Variants in MYO16 observed in about 807,000 individuals in gnomAD.
MYO16 encodes the protein unconventional myosin-XVI.
Under a neutral mutation model 205.3 loss-of-function variants are expected in MYO16, and 94 were observed. The ratio of observed to expected loss-of-function variants is 0.46; its 90% confidence interval spans 0.39 to 0.54. The LOEUF (loss-of-function observed/expected upper bound fraction) is 0.54, where lower values mean the gene tolerates loss of function less well. Ranked by LOEUF, MYO16 falls within the 20% of genes least tolerant of loss-of-function variation. MYO16 has a pLI of 0.00. For missense variants in MYO16, 2,315 were observed against 2,387.5 expected (o/e 0.97, Z 0.63); for synonymous variants, 988 against 954.0 (o/e 1.04, Z -0.66).
chr13:108,522,419 A>G, the MYO16 span, among the ~76,000 whole-genome samples: 1 of 152,184 alleles, frequency 6.6e-6, no homozygotes, highest in East Asian at 1.9e-4. Context: ...TGAATCCTGT[A>G]ATTTCTAAGA....
intron 1 of MYO16, among the ~76,000 whole-genome samples, chr13:108,653,288 T>C (rs545075360): frequency 6.6e-6 from 1 of 152,322 alleles, no homozygotes; most frequent in Non-Finnish European, 1.5e-5. Flanking sequence ...TAGATATTAA[T>C]CTCCTATTAG....
chr13:108,649,089 G>T (rs372326100), intron 1 of MYO16, among the ~76,000 whole-genome samples: 1 of 147,904 alleles, frequency 6.8e-6, no homozygotes, highest in Non-Finnish European at 1.5e-5. Flanking sequence ...TGGGGGGAGG[G>T]GGGAGGGATA....
chr13:108,659,137 T>C (rs1438397586), intron 1 of MYO16, among the ~76,000 whole-genome samples: 1 of 150,440 alleles, frequency 6.6e-6, no homozygotes, highest in Non-Finnish European at 1.5e-5. Flanking sequence ...TGTCTCGACA[T>C]CATGACACAG....
At chr13:108,891,400 G>A (rs936612963) in intron 14 of MYO16, among the ~76,000 whole-genome samples, 4 of 151,862 alleles carry the variant, frequency 2.6e-5, no homozygotes, top group East Asian at 1.9e-4. Context: ...GTCTTATCTC[G>A]CAGGTCAAGA....
intron 2 of MYO16, among the ~76,000 whole-genome samples, chr13:108,703,549 C>T (rs1883388217): frequency 6.6e-6 from 1 of 152,090 alleles, no homozygotes; most frequent in South Asian, 2.1e-4. Context: ...CTTGAACAAC[C>T]ATATACAGCA....
intron 23 of MYO16, chr13:109,028,404 C>T: frequency 6.2e-6 from 2 of 323,900 alleles, no homozygotes; most frequent in South Asian, 2.7e-5. Flanking sequence ...TTTTGTTTTT[C>T]ACAGAATATT....
chr13:108,795,597 A>G (rs1198059548), intron 6 of MYO16, among the ~76,000 whole-genome samples: 1 of 152,208 alleles, frequency 6.6e-6, no homozygotes, highest in Non-Finnish European at 1.5e-5. Context: ...GACTATAACA[A>G]CGTAACTCTG....
At chr13:109,204,827 AC>A (rs1880533885) in intron 34 of MYO16, among the ~76,000 whole-genome samples, 1 of 152,176 alleles carries the variant, frequency 6.6e-6, no homozygotes, top group Non-Finnish European at 1.5e-5. Context: ...TACCCACTTT[AC>A]AGGGCTCTTA....
chr13:108,738,876 C>T (rs1322216435), intron 4 of MYO16, among the ~76,000 whole-genome samples: 2 of 152,134 alleles, frequency 1.3e-5, no homozygotes, highest in Non-Finnish European at 2.9e-5. Flanking sequence ...GAATTGATCC[C>T]TTTACTGTTA....
chr13:108,614,519 T>C (rs1041519067), intron 1 of MYO16, among the ~76,000 whole-genome samples: 3 of 152,078 alleles, frequency 2.0e-5, no homozygotes, highest in Admixed American at 1.3e-4. Context: ...AACTAAAAAC[T>C]ATCTTTAAAA....
chr13:109,132,471 T>C lies in MYO16; in HGVS notation c.4051+4921T>C, dbSNP rs192212483. Among the ~76,000 whole-genome samples the C allele has an allele frequency of 1.7e-3, 258 of 152,300 alleles. 1 individual carries two copies. Among genetic ancestry groups the C allele is most frequent in the African/African-American group, 5.7e-3 (238 of 41,544 alleles). ...CTTTACTCTCTTGTTTCTGTCTTCA[T>C]TCTAGAACAACATGTGTCACATAGT... On this transcript the variant is annotated intron_variant, in intron 31 of 34. Coordinates refer to ENST00000457511, the MANE Select transcript of MYO16 (RefSeq NM_001198950.3).
rs111904432 is a variant in MYO16 at position 109,198,842 on chromosome 13, T to C, written c.5416-7767T>C. Among the ~76,000 whole-genome samples the C allele has an allele frequency of 5.4e-3, 824 of 152,286 alleles. 9 individuals are homozygous for C. Among genetic ancestry groups the C allele is most frequent in the African/African-American group, 0.018 (763 of 41,568 alleles). On this transcript the variant is annotated intron_variant, in intron 34 of 34. Transcript: ENST00000457511. ...CTTTACAGGTGATGAAGCCAGCGAA[T>C]GCTTGTTCAGCATTGCACAAGTAGC...
At position 108,898,086 on chromosome 13, in the gene MYO16, A is replaced by G; in HGVS notation, c.1730A>G (p.Lys577Arg). ...TLNDLSSCFI[K>R]YFELQFCERK... ...AATGATTTGTCCAGTTGCTTCATCA[A>G]GTATTTTGAACTGCAGTTCTGTGAG... The change falls in exon 15 of 35, where the codon AAG becomes AGG. Residue 577 changes from lysine to arginine, a missense_variant. Physicochemically the swap from Lys to Arg is conservative, Grantham distance 26 (BLOSUM62 2). Around this residue, in one of 3 missense-constraint regions of MYO16, gnomAD observed 1,213 missense variants for 1,274.4 expected, o/e 0.95. Coordinates refer to ENST00000457511, the MANE Select transcript of MYO16 (RefSeq NM_001198950.3). 1.2e-6 allele frequency: 2 copies of G among 1,614,092 alleles called. No homozygotes were observed. Among genetic ancestry groups the G allele is most frequent in the Non-Finnish European group, 1.7e-6 (2 of 1,179,954 alleles).
At chr13:108,787,307 T>G (rs1886487809) in intron 5 of MYO16, among the ~76,000 whole-genome samples, 2 of 152,212 alleles carry the variant, frequency 1.3e-5, no homozygotes, top group South Asian at 4.1e-4. Context: ...TTGGTCATAC[T>G]GCAATGAATG....
intron 27 of MYO16, among the ~76,000 whole-genome samples, chr13:109,089,960 G>C (rs990774851): frequency 6.6e-6 from 1 of 152,204 alleles, no homozygotes; most frequent in African/African-American, 2.4e-5. Context: ...CTGGGGCTGC[G>C]AGGCAGCCCT....
intron 4 of MYO16, among the ~76,000 whole-genome samples, chr13:108,730,206 G>A (rs1318697654): frequency 1.3e-5 from 2 of 152,026 alleles, no homozygotes; most frequent in African/African-American, 2.4e-5. Context: ...TTCTCATGAC[G>A]GTAAGTTCTC....
chr13:108,820,543 C>A, intron 8 of MYO16, 131 bp downstream of exon 8: 1 of 711,544 alleles, frequency 1.4e-6, no homozygotes, highest in Non-Finnish European at 2.4e-6. Flanking sequence ...TAACAACCAG[C>A]CCAGTTCAAG....
chr13:108,791,901 G>A (rs929127647), intron 5 of MYO16, among the ~76,000 whole-genome samples: 9 of 152,290 alleles, frequency 5.9e-5, no homozygotes, highest in South Asian at 2.1e-4. Context: ...TCTTGGGTCC[G>A]CTGTGCTAGG....
At chr13:109,006,683 T>G (rs961649756) in intron 21 of MYO16, among the ~76,000 whole-genome samples, 6 of 152,250 alleles carry the variant, frequency 3.9e-5, no homozygotes, top group Admixed American at 1.3e-4. Context: ...TGTTTCCAGC[T>G]ATATAAATAT....
Sources: allele counts gnomAD v4.1 joint callset (sites outside exome capture counted in the v4.1 genomes callset), GRCh38; gene constraint gnomAD v4.1.1; regional missense constraint gnomAD v4.1.1; transcripts MANE v1.5; gene names NCBI Gene and HGNC (gene_info 2026-07-23, HGNC 2026-07-21).